DGKB: variants seen among roughly 807,000 people sequenced by gnomAD.
The protein encoded by DGKB is diacylglycerol kinase beta.
A neutral mutation model predicts 114.3 loss-of-function variants in DGKB; 67 were observed. The observed-to-expected ratio is 0.59, with a 90% CI of 0.48 to 0.72. The LOEUF (loss-of-function observed/expected upper bound fraction) is 0.72, where lower values mean the gene tolerates loss of function less well. DGKB is among the 30% of genes least tolerant of loss of function. The pLI is 0.00. For missense variants in DGKB, 907 were observed against 975.2 expected (o/e 0.93, Z 0.93); for synonymous variants, 398 against 323.1 (o/e 1.23, Z -2.49).
At chr7:14,769,111 AAGAAAGAAAGAAAGAGAGAG>A (rs1836928160) in intron 2 of DGKB, among the ~76,000 whole-genome samples, 1 of 129,468 alleles carries the variant, frequency 7.7e-6, no homozygotes, top group African/African-American at 3.3e-5. Context: ...GAAAGAAAGA[AAGAAAGAAAGAAAGAGAGAG>A]AGAGAAAGAA....
At chr7:14,188,741 C>T (rs897609970) in intron 23 of DGKB, among the ~76,000 whole-genome samples, 9 of 148,752 alleles carry the variant, frequency 6.1e-5, no homozygotes, top group African/African-American at 2.2e-4. Context: ...TATAATCAAA[C>T]CGTCAAAAGT....
intron 1 of DGKB, among the ~76,000 whole-genome samples, chr7:14,880,862 A>G (rs1360295881): frequency 6.6e-6 from 1 of 152,156 alleles, no homozygotes; most frequent in Non-Finnish European, 1.5e-5. Flanking sequence ...TTTGCTACTA[A>G]TTCAACCATA....
chr7:14,974,091 T>A (rs1427531526), intron 1 of DGKB, among the ~76,000 whole-genome samples: 1 of 151,948 alleles, frequency 6.6e-6, no homozygotes, highest in Non-Finnish European at 1.5e-5. Flanking sequence ...TTCCATGTCA[T>A]ATCATGTGGT....
At chr7:14,760,820 T>A (rs994508747) in intron 2 of DGKB, among the ~76,000 whole-genome samples, 2 of 152,172 alleles carry the variant, frequency 1.3e-5, no homozygotes, top group Admixed American at 1.3e-4. Context: ...TATTCAGTAA[T>A]TATTTATAAA....
chr7:14,296,762 T>A (rs1244356031), intron 23 of DGKB, among the ~76,000 whole-genome samples: 1 of 5,126 alleles, frequency 2.0e-4, no homozygotes, highest in Non-Finnish European at 0.012. Flanking sequence ...CAGGGACTGT[T>A]TTTTTTTTTT....
chr7:14,707,459 T>G (rs1180740513), intron 6 of DGKB, among the ~76,000 whole-genome samples: 2 of 135,384 alleles, frequency 1.5e-5, no homozygotes, highest in African/African-American at 2.8e-5. Flanking sequence ...CCTCCCTAAC[T>G]CATTTGATGA....
At chr7:14,558,746 G>A (rs1018925899) in intron 20 of DGKB, among the ~76,000 whole-genome samples, 3 of 152,106 alleles carry the variant, frequency 2.0e-5, no homozygotes, top group Non-Finnish European at 2.9e-5. Flanking sequence ...GCAATTTTAT[G>A]GCTGTTGGAG....
At chr7:14,658,157 AG>A (rs1313772927) in intron 13 of DGKB, among the ~76,000 whole-genome samples, 1 of 151,968 alleles carries the variant, frequency 6.6e-6, no homozygotes, top group Non-Finnish European at 1.5e-5. Context: ...AGGGTGTTAT[AG>A]GTAGAGATAC....
chr7:14,224,918 A>G (rs1405978597), intron 23 of DGKB, among the ~76,000 whole-genome samples: 2 of 151,996 alleles, frequency 1.3e-5, no homozygotes, highest in Non-Finnish European at 2.9e-5. Context: ...AACAGATCCA[A>G]TCAAATTCAG....
At chr7:14,398,177 T>G (rs1173268610) in intron 21 of DGKB, among the ~76,000 whole-genome samples, 1 of 152,118 alleles carries the variant, frequency 6.6e-6, no homozygotes, top group African/African-American at 2.4e-5. Flanking sequence ...TGGTAATGAC[T>G]GGGTGAAGAG....
At chr7:14,361,376 T>C (rs1815708986) in intron 21 of DGKB, among the ~76,000 whole-genome samples, 2 of 152,050 alleles carry the variant, frequency 1.3e-5, no homozygotes, top group African/African-American at 4.8e-5. Context: ...AATATTGATA[T>C]TTTTAATCAA....
intron 1 of DGKB, among the ~76,000 whole-genome samples, chr7:14,898,493 G>C (rs971152357): frequency 1.3e-5 from 2 of 152,004 alleles, no homozygotes; most frequent in African/African-American, 4.8e-5. Flanking sequence ...TCCCATAAGG[G>C]TATGATCAAG....
intron 21 of DGKB, among the ~76,000 whole-genome samples, chr7:14,435,762 A>G (rs1215359561): frequency 6.6e-6 from 1 of 152,034 alleles, no homozygotes; most frequent in Admixed American, 6.6e-5. Context: ...TCAACTTGAA[A>G]CTTTGTTTTT....
chr7:14,949,805 A>G (rs1451391570), intron 1 of DGKB, among the ~76,000 whole-genome samples: 1 of 152,080 alleles, frequency 6.6e-6, no homozygotes, highest in Non-Finnish European at 1.5e-5. Context: ...CTTCATAGGG[A>G]CATGGATGAA....
rs139931476 is a variant in DGKB at position 14,489,909 on chromosome 7, G to C, written c.1771-11684C>G. Among the ~76,000 whole-genome samples the C allele has an allele frequency of 3.3e-3, 503 of 152,248 alleles. 5 individuals are homozygous for C. Among genetic ancestry groups the C allele is most frequent in the African/African-American group, 0.012 (486 of 41,556 alleles). ...CAATTGAGGCTAAGGGGTCCCTTGA[G>C]AATTATACTGGGACAGAGAGAAGGG... On this transcript the variant is annotated intron_variant, in intron 20 of 25. Transcript: ENST00000402815.
At chr7:14,648,318 C>G (rs1813591455) in intron 13 of DGKB, among the ~76,000 whole-genome samples, 1 of 152,220 alleles carries the variant, frequency 6.6e-6, no homozygotes, top group Non-Finnish European at 1.5e-5. Context: ...AGACTGCCTC[C>G]TCAAGTGGGT....
In DGKB at chr7:14,778,547, C is replaced by A. The variant is rs187481751; in HGVS notation, c.71-20816G>T. On this transcript the variant is annotated intron_variant, in intron 2 of 25. Coordinates refer to ENST00000402815, the MANE Select transcript of DGKB (RefSeq NM_001350709.2). Reference sequence around the variant, plus strand: ...GTATTAATTACTCTGTAGCCCTTGGCAGATGGAATCATTCTTCCAGTTGCT... The same window carrying A: ...GTATTAATTACTCTGTAGCCCTTGGAAGATGGAATCATTCTTCCAGTTGCT... Among the ~76,000 whole-genome samples, 299 of 152,284 alleles carry A rather than the reference C, an allele frequency of 2.0e-3. 2 individuals carry two copies. The highest frequency in any genetic ancestry group is 0.014 in the Middle Eastern group (4 of 294).
At chr7:14,261,453 C>G (rs1280518060) in intron 23 of DGKB, among the ~76,000 whole-genome samples, 2 of 152,164 alleles carry the variant, frequency 1.3e-5, no homozygotes, top group East Asian at 1.9e-4. Flanking sequence ...ATATCATATA[C>G]TGTACAGTGA....
chr7:14,224,172 T>C (rs1790429572), intron 23 of DGKB, among the ~76,000 whole-genome samples: 1 of 151,946 alleles, frequency 6.6e-6, no homozygotes, highest in Non-Finnish European at 1.5e-5. Flanking sequence ...TGCAATATGT[T>C]AATATTTCTC....
Sources: gnomAD v4.1 joint callset for allele counts (sites outside exome capture counted in the v4.1 genomes callset) on GRCh38, gnomAD v4.1.1 for gene constraint, MANE v1.5 for transcripts, NCBI Gene and HGNC (gene_info 2026-07-23, HGNC 2026-07-21) for gene names.